PIK3C2G: variants seen among roughly 807,000 people sequenced by gnomAD.
PIK3C2G encodes phosphatidylinositol 3-kinase C2 domain-containing subunit gamma.
Under a neutral mutation model 181.1 loss-of-function variants are expected in PIK3C2G, and 168 were observed. The observed-to-expected ratio is 0.93, with a 90% confidence interval of 0.82 to 1.05. The LOEUF (loss-of-function observed/expected upper bound fraction) is 1.05, where lower values mean the gene tolerates loss of function less well. PIK3C2G is among the 50% of genes least tolerant of loss of function. The probability of loss-of-function intolerance (pLI) is 0.00; values close to 1 mark genes in which losing one functional copy is unlikely to be tolerated. For synonymous variants in PIK3C2G, 573 were observed against 592.2 expected, an observed-to-expected ratio of 0.97 and a Z score of 0.47; for missense variants, 1,869 against 1,732.8, an observed-to-expected ratio of 1.08 and a Z score of -1.40.
chr12:18,593,692 C>G (rs2136487858), intron 29 of PIK3C2G, among the ~76,000 whole-genome samples: 1 of 152,002 alleles, frequency 6.6e-6, no homozygotes, highest in South Asian at 2.1e-4. Context: ...TAAGGAAAAG[C>G]TGTTCTCAGA....
intron 1 of PIK3C2G, among the ~76,000 whole-genome samples, chr12:18,276,520 C>T (rs1172760475): frequency 3.3e-5 from 5 of 152,096 alleles, no homozygotes; most frequent in Non-Finnish European, 7.4e-5. Flanking sequence ...AAAACATACC[C>T]AATATATAAA....
At chr12:18,473,270 T>C (rs1938622633) in intron 18 of PIK3C2G, among the ~76,000 whole-genome samples, 1 of 152,212 alleles carries the variant, frequency 6.6e-6, no homozygotes, top group Admixed American at 6.5e-5. Flanking sequence ...ACAGATTATG[T>C]TTGTAGGTTT....
intron 5 of PIK3C2G, among the ~76,000 whole-genome samples, chr12:18,303,525 G>A (rs1004669693): frequency 1.3e-5 from 2 of 152,054 alleles, no homozygotes; most frequent in Non-Finnish European, 2.9e-5. Flanking sequence ...AGTGGAGACA[G>A]GTCTTCACCA....
chr12:18,285,402 C>T (rs901169413), intron 2 of PIK3C2G: 1 of 151,984 alleles, frequency 6.6e-6, no homozygotes, highest in African/African-American at 2.4e-5. Context: ...CAGATGGAAT[C>T]TAGGAAAGAG....
chr12:18,421,245 A>T (rs536642644), intron 17 of PIK3C2G, among the ~76,000 whole-genome samples: 6 of 151,126 alleles, frequency 4.0e-5, no homozygotes, highest in African/African-American at 1.5e-4. Context: ...AAAATTTTTT[A>T]AAAATGATTT....
At chr12:18,464,961 T>G (rs545445473) in intron 18 of PIK3C2G, among the ~76,000 whole-genome samples, 1 of 152,128 alleles carries the variant, frequency 6.6e-6, no homozygotes, top group East Asian at 1.9e-4. Flanking sequence ...CTTTGTTATC[T>G]TATTTTAAAG....
intron 26 of PIK3C2G, among the ~76,000 whole-genome samples, chr12:18,548,474 C>T (rs1050151891): frequency 6.6e-6 from 1 of 151,972 alleles, no homozygotes; most frequent in African/African-American, 2.4e-5. Flanking sequence ...TCCATCTCTC[C>T]CTATCCCTCT....
At chr12:18,258,645 T>A (rs1948172579), upstream of PIK3C2G, among the ~76,000 whole-genome samples, 1 of 151,694 alleles carries the variant, frequency 6.6e-6, no homozygotes, top group Non-Finnish European at 1.5e-5. Flanking sequence ...GGGAGAGGAT[T>A]CTATTATATA....
intron 24 of PIK3C2G, among the ~76,000 whole-genome samples, chr12:18,534,091 A>G (rs1247160164): frequency 5.3e-5 from 8 of 151,664 alleles, no homozygotes; most frequent in African/African-American, 1.9e-4. Context: ...CTGGGATTAC[A>G]GGTGTGTGCC....
chr12:18,688,447 C>T, the PIK3C2G span, among the ~76,000 whole-genome samples: 1 of 151,838 alleles, frequency 6.6e-6, no homozygotes, highest in African/African-American at 2.4e-5. Context: ...CCACAATGTC[C>T]ACAATTTTTG....
At chr12:18,303,136 T>TTCTTTCTTTCTTTCTTTC in intron 5 of PIK3C2G, among the ~76,000 whole-genome samples, 1 of 141,938 alleles carries the variant, frequency 7.0e-6, no homozygotes, top group Non-Finnish European at 1.6e-5. Context: ...CTTTCTTTCT[T>TTCTTTCTTTCTTTCTTTC]TCTTTTCTTT....
intron 5 of PIK3C2G, among the ~76,000 whole-genome samples, chr12:18,305,023 A>G (rs1203162727): frequency 6.6e-6 from 1 of 152,224 alleles, no homozygotes; most frequent in East Asian, 1.9e-4. Flanking sequence ...TTAATAAATC[A>G]TTCAATTAGA....
chr12:18,627,947 C>A (rs1417496225), intron 31 of PIK3C2G, among the ~76,000 whole-genome samples: 1 of 152,050 alleles, frequency 6.6e-6, no homozygotes, highest in African/African-American at 2.4e-5. Context: ...AGATAATAAC[C>A]TATTAAATAC....
the PIK3C2G span, among the ~76,000 whole-genome samples, chr12:18,678,100 G>T: frequency 0.38 from 57,681 of 151,922 alleles, 13,655 homozygotes; most frequent in South Asian, 0.59. Context: ...TTTCTAGCAA[G>T]CCCAGCTGTC....
intron 22 of PIK3C2G, 135 bp from the exon 23 acceptor site, chr12:18,503,146 C>A: frequency 1.9e-6 from 1 of 529,480 alleles, no homozygotes. Flanking sequence ...TCTAGATAAG[C>A]CTCCTCCAGA....
intron 1 of PIK3C2G, among the ~76,000 whole-genome samples, chr12:18,274,509 T>C (rs961698935): frequency 2.0e-5 from 3 of 152,116 alleles, no homozygotes; most frequent in Non-Finnish European, 4.4e-5. Flanking sequence ...TGTAGGGACA[T>C]GGATGAAGCT....
intron 24 of PIK3C2G, among the ~76,000 whole-genome samples, chr12:18,521,032 G>A (rs1363117758): frequency 6.6e-6 from 1 of 152,042 alleles, no homozygotes; most frequent in Non-Finnish European, 1.5e-5. Context: ...TTTGCTGGGG[G>A]TTCACTTCAG....
At chr12:18,577,222 C>T (rs191522977) in intron 29 of PIK3C2G, among the ~76,000 whole-genome samples, 7 of 152,226 alleles carry the variant, frequency 4.6e-5, no homozygotes, top group African/African-American at 1.7e-4. Flanking sequence ...CATGCACAGG[C>T]AGAGAAGGTT....
intron 16 of PIK3C2G, among the ~76,000 whole-genome samples, chr12:18,402,938 A>G (rs1944331857): frequency 6.6e-6 from 1 of 152,160 alleles, no homozygotes; most frequent in Admixed American, 6.5e-5. Flanking sequence ...TATTTTACAT[A>G]TGAGGAAACT....
Sources: gnomAD v4.1 joint callset for allele counts (sites outside exome capture counted in the v4.1 genomes callset) on GRCh38, gnomAD v4.1.1 for gene constraint, MANE v1.5 for transcripts, NCBI Gene and HGNC (gene_info 2026-07-23, HGNC 2026-07-21) for gene names.